Variants in NKAIN1 observed in about 807,000 individuals in gnomAD.
The protein encoded by NKAIN1 is sodium/potassium-transporting ATPase subunit beta-1-interacting protein 1.
NKAIN1 carries 13 observed loss-of-function variants against 31.6 expected under a neutral mutation model. The observed-to-expected ratio is 0.41, with a 90% CI of 0.27 to 0.65. The LOEUF (loss-of-function observed/expected upper bound fraction) is 0.65. Among genes scored for constraint, NKAIN1 ranks in the 30% least tolerant of loss-of-function variants. The pLI is 0.30. For missense variants in NKAIN1, 193 were observed against 262.2 expected (o/e 0.74, Z 1.82); for synonymous variants, 104 against 109.0 (o/e 0.95, Z 0.28).
intron 1 of NKAIN1, among the ~76,000 whole-genome samples, chr1:31,237,672 T>A (rs1012982996): frequency 1.3e-5 from 2 of 151,988 alleles, no homozygotes; most frequent in Non-Finnish European, 1.5e-5. Flanking sequence ...ATTTTTGTAT[T>A]TTCAGCAGTG....
At chr1:31,203,416 C>T (rs1359991500) in intron 1 of NKAIN1, among the ~76,000 whole-genome samples, 1 of 147,752 alleles carries the variant, frequency 6.8e-6, no homozygotes, top group African/African-American at 2.4e-5. Context: ...CAAGCTACCA[C>T]GTTTGAAACG....
intron 1 of NKAIN1, among the ~76,000 whole-genome samples, chr1:31,216,183 T>C (rs868354906): frequency 2.0e-5 from 3 of 151,830 alleles, no homozygotes; most frequent in Middle Eastern, 3.4e-3. Context: ...AATCATTTCC[T>C]GGCCCTGGGC....
chr1:31,209,067 A>C (rs1645446662), intron 1 of NKAIN1, among the ~76,000 whole-genome samples: 1 of 152,190 alleles, frequency 6.6e-6, no homozygotes, highest in Non-Finnish European at 1.5e-5. Flanking sequence ...CCACTGGGCC[A>C]AGACTGGGCC....
intron 1 of NKAIN1, among the ~76,000 whole-genome samples, chr1:31,218,242 T>C (rs771663401): frequency 1.3e-5 from 2 of 151,922 alleles, no homozygotes; most frequent in Non-Finnish European, 2.9e-5. Context: ...TTTGTATTTT[T>C]AGTAGAGATG....
intron 1 of NKAIN1, among the ~76,000 whole-genome samples, chr1:31,222,889 A>G (rs578255524): frequency 1.3e-5 from 2 of 152,330 alleles, no homozygotes; most frequent in South Asian, 4.1e-4. Context: ...TAGTATCCAT[A>G]TAATAGTGTC....
chr1:31,181,890 G>T lies in NKAIN1; in HGVS notation c.584C>A (p.Thr195Lys). 1 of 1,608,238 alleles carries T rather than the reference G, an allele frequency of 6.2e-7. No homozygotes were observed. Among genetic ancestry groups the T allele is most frequent in the Non-Finnish European group, 8.5e-7 (1 of 1,178,088 alleles). ...DSYGYQAPQK[T>K]SHLQLQPLYT... ...CAGAGGCTGCAGCTGTAAATGCGACGTCTTCTGGGGCGCCTGGTATCCGTA... is the reference window on the plus strand; with the variant it reads ...CAGAGGCTGCAGCTGTAAATGCGACTTCTTCTGGGGCGCCTGGTATCCGTA... Residue 195 changes from threonine (T) to lysine (K), a missense_variant, in exon 6 of 7, where the codon ACG (threonine) becomes AAG (lysine). Physicochemically the swap from Thr to Lys is moderately conservative, Grantham distance 78 (BLOSUM62 -1). Transcript: ENST00000373736.
intron 1 of NKAIN1, among the ~76,000 whole-genome samples, chr1:31,218,068 C>CTTTCTTTCTT (rs71569970): frequency 1.7e-4 from 22 of 132,976 alleles, no homozygotes; most frequent in African/African-American, 4.7e-4. Flanking sequence ...TTCTTTCTTT[C>CTTTCTTTCTT]TTTTTTTTTT....
At chr1:31,192,669 G>A (rs1645295355) in intron 1 of NKAIN1, among the ~76,000 whole-genome samples, 1 of 151,892 alleles carries the variant, frequency 6.6e-6, no homozygotes, top group Non-Finnish European at 1.5e-5. Context: ...TCCTGCCTCA[G>A]CCTCCCGAGT....
At chr1:31,218,583 C>A (rs773374948) in intron 1 of NKAIN1, among the ~76,000 whole-genome samples, 1 of 152,212 alleles carries the variant, frequency 6.6e-6, no homozygotes, top group Non-Finnish European at 1.5e-5. Flanking sequence ...ACTCCCTCAG[C>A]TTCCTCTTCT....
chr1:31,185,085 A>T, intron 3 of NKAIN1, 162 bp downstream of exon 3: 2 of 629,048 alleles, frequency 3.2e-6, no homozygotes, highest in Non-Finnish European at 2.9e-6. Flanking sequence ...GCCAGAAATA[A>T]ATTGTGTAAG....
At chr1:31,188,890 G>A (rs1645264610) in intron 1 of NKAIN1, among the ~76,000 whole-genome samples, 1 of 152,106 alleles carries the variant, frequency 6.6e-6, no homozygotes, top group Non-Finnish European at 1.5e-5. Flanking sequence ...GTGCGCACCT[G>A]TAGTCCCAGC....
intron 1 of NKAIN1, among the ~76,000 whole-genome samples, chr1:31,222,624 G>A (rs1032228143): frequency 1.3e-5 from 2 of 152,156 alleles, no homozygotes; most frequent in African/African-American, 4.8e-5. Context: ...ACCAGGAGAC[G>A]GATGCAGAGG....
chr1:31,223,469 C>G (rs925214913), intron 1 of NKAIN1, among the ~76,000 whole-genome samples: 5 of 151,656 alleles, frequency 3.3e-5, no homozygotes, highest in Non-Finnish European at 7.4e-5. Flanking sequence ...GAGACGGAGT[C>G]TCGCTCTGTC....
intron 1 of NKAIN1, among the ~76,000 whole-genome samples, chr1:31,204,693 T>C (rs1418996126): frequency 1.3e-5 from 2 of 152,210 alleles, no homozygotes; most frequent in South Asian, 4.1e-4. Flanking sequence ...ATTAATCAGA[T>C]TCCCCAACTA....
intron 1 of NKAIN1, among the ~76,000 whole-genome samples, chr1:31,216,427 G>C (rs978650013): frequency 6.6e-6 from 1 of 152,182 alleles, no homozygotes; most frequent in Non-Finnish European, 1.5e-5. Flanking sequence ...AGAACACTTT[G>C]ATTCATTTAA....
At chr1:31,195,030 C>A (rs1006012755) in intron 1 of NKAIN1, among the ~76,000 whole-genome samples, 1 of 151,850 alleles carries the variant, frequency 6.6e-6, no homozygotes, top group Non-Finnish European at 1.5e-5. Flanking sequence ...CGCAGCCTCC[C>A]AAAGTGTTGG....
intron 1 of NKAIN1, among the ~76,000 whole-genome samples, chr1:31,229,022 C>T (rs1037617636): frequency 5.3e-5 from 8 of 152,162 alleles, no homozygotes; most frequent in Non-Finnish European, 1.0e-4. Flanking sequence ...TTTCCCACTT[C>T]ATAGGCTGTG....
intron 1 of NKAIN1, among the ~76,000 whole-genome samples, chr1:31,234,264 G>A (rs1890887): frequency 0.98 from 149,666 of 152,322 alleles, 73,588 homozygotes; most frequent in East Asian, 1. Flanking sequence ...TCAAGCACCC[G>A]AAGCAGAACC....
At chr1:31,226,469 G>A (rs946790034) in intron 1 of NKAIN1, among the ~76,000 whole-genome samples, 4 of 152,094 alleles carry the variant, frequency 2.6e-5, no homozygotes, top group Non-Finnish European at 5.9e-5. Context: ...GGTGGCTGGG[G>A]CCAGGCCAGA....
Sources: allele counts gnomAD v4.1 joint callset (sites outside exome capture counted in the v4.1 genomes callset), GRCh38; gene constraint gnomAD v4.1.1; transcripts MANE v1.5; gene names NCBI Gene and HGNC (gene_info 2026-07-23, HGNC 2026-07-21).